The following TRAP1 variants were observed in gnomAD, a reference collection of about 807,000 sequenced individuals.
The protein encoded by TRAP1 is heat shock protein 75 kDa, mitochondrial.
A neutral mutation model predicts 89.1 loss-of-function variants in TRAP1; 102 were observed. The ratio of observed to expected loss-of-function variants is 1.15; its 90% CI spans 0.98 to 1.35. The LOEUF (loss-of-function observed/expected upper bound fraction) is 1.35. Ranked by LOEUF, TRAP1 falls within the 40% of genes most tolerant of loss-of-function variation. The pLI is 0.00. For synonymous variants in TRAP1, 508 were observed against 388.0 expected (o/e 1.31, Z -3.64); for missense variants, 1,256 against 945.3 (o/e 1.33, Z -4.31).
In TRAP1 at chr16:3,663,668, T is replaced by G; in HGVS notation, c.1570-106A>C. On this transcript the variant is annotated intron_variant, in intron 13 of 17. Transcript: ENST00000246957. ...GCTGGGGGAGCCAAGCGGGCCACAC[T>G]GGGGAACACCGGGGCAGTTGGGGTT... The G allele has an allele frequency of 3.4e-6, 5 of 1,456,876 alleles. No homozygotes were observed. The South Asian group carries it at 6.3e-5, about 18-fold the overall frequency. 90.2% of individuals were successfully genotyped at this position (1,456,876 alleles called of 1,614,324 possible).
At chr16:3,717,016 G>A (rs1180515100) in intron 1 of TRAP1, among the ~76,000 whole-genome samples, 1 of 152,230 alleles carries the variant, frequency 6.6e-6, no homozygotes, top group Non-Finnish European at 1.5e-5. Context: ...ACGATCCATG[G>A]AACTAGCACG....
rs1461150566 is a variant in TRAP1, at chr16:3,710,877, A to ATTTTTTTTTT, written c.88+6543_88+6544insAAAAAAAAAA. 2.5e-3 allele frequency among the ~76,000 whole-genome samples: 231 copies of ATTTTTTTTTT among 93,562 alleles called. 1 individual carries two copies. The highest frequency in any genetic ancestry group is 9.5e-3 in the African/African-American group (210 of 22,198). The allele number at this position is 93,562 out of a possible 152,430, so 61.4% of individuals were successfully genotyped here. A position where few individuals can be genotyped will look rare whatever the true frequency, so the allele number is the denominator to read the frequency against. On this transcript the variant is annotated intron_variant, in intron 1 of 17. Coordinates refer to ENST00000246957, the MANE Select transcript of TRAP1 (RefSeq NM_016292.3). Reference sequence around the variant, plus strand: ...TGTGTGTATATATATATATATATATATATTTTTTTTTTTGAGACACTGTCA... The same window carrying ATTTTTTTTTT: ...TGTGTGTATATATATATATATATATATTTTTTTTTTTATTTTTTTTTTTGAGACACTGTCA...
In TRAP1 at chr16:3,679,204, T is replaced by C. The variant is rs965131605; in HGVS notation, c.543+515A>G. ...TACTTGGGAGGCTGAGGCAGGAGAG[T>C]TGCTTGAACCGGGAGGCAGAGGTTG... On this transcript the variant is annotated intron_variant, in intron 5 of 17. Coordinates refer to ENST00000246957, the MANE Select transcript of TRAP1 (RefSeq NM_016292.3). 1.1e-4 allele frequency among the ~76,000 whole-genome samples: 17 copies of C among 151,874 alleles called. No homozygotes were observed. The South Asian group carries it at 3.5e-3, about 32-fold the overall frequency.
intron 5 of TRAP1, 114 bp downstream of exon 5, chr16:3,679,605 G>A (rs1433365240): frequency 1.4e-5 from 14 of 1,026,784 alleles, no homozygotes; most frequent in East Asian, 9.6e-5. Flanking sequence ...TACCCACTGC[G>A]TGGCATGCAA....
In TRAP1 at chr16:3,658,833, C is replaced by G. The variant is rs150558344; in HGVS notation, c.1973G>C (p.Arg658Pro). ...HALIKKLNQL[R>P]ASEPGLAQLL... The stretch of plus-strand genomic sequence containing the variant: ...CTGAGCCAGGCCAGGCTCGCTTGCG[C>G]GCAGCTGATTCAGCTTCTTGATGAG... The change falls in exon 17 of 18, where the codon CGC (arginine) becomes CCC (proline). Residue 658 changes from arginine (R) to proline (P), a missense_variant. By Grantham distance (103) the Arg-to-Pro change is moderately radical. Transcript: ENST00000246957. The G allele has an allele frequency of 1.2e-6, 2 of 1,613,874 alleles. No individual in the cohort carries two copies. The highest frequency in any genetic ancestry group is 1.7e-5 in the Admixed American group (1 of 60,004).
chr16:3,667,706 G>A (rs2050854965), intron 11 of TRAP1, among the ~76,000 whole-genome samples: 1 of 150,726 alleles, frequency 6.6e-6, no homozygotes, highest in Admixed American at 6.6e-5. Context: ...GAATAAAACA[G>A]GAAATCAGCC....
chr16:3,671,910 G>A (rs973488455), intron 10 of TRAP1, 119 bp from the exon 11 acceptor site: 2 of 1,053,224 alleles, frequency 1.9e-6, no homozygotes, highest in African/African-American at 3.1e-5. Flanking sequence ...TGTGCTAAGA[G>A]GGAAGCAGGG....
chr16:3,717,522 A>G lies in TRAP1; in HGVS notation c.-14T>C, dbSNP rs922184950. The G allele has an allele frequency of 6.6e-6, 9 of 1,354,434 alleles. No individual in the cohort carries two copies. The Admixed American group carries it at 1.7e-4, about 25-fold the overall frequency. 83.9% of individuals were successfully genotyped at this position (1,354,434 alleles called of 1,614,324 possible). ...CTCGCGCGCCATGTCGTACTCCCAG[A>G]GCGCCGCGCGCAGCCACGCGGGACC... On this transcript the variant is annotated 5_prime_UTR_variant, in exon 1 of 18. Coordinates refer to ENST00000246957, the MANE Select transcript of TRAP1 (RefSeq NM_016292.3).
intron 1 of TRAP1, among the ~76,000 whole-genome samples, chr16:3,714,557 G>A (rs566518834): frequency 6.6e-6 from 1 of 152,320 alleles, no homozygotes; most frequent in South Asian, 2.1e-4. Context: ...TACGTGGGAG[G>A]CGAAGTCAGG....
rs1040713429 is a variant in TRAP1, at chr16:3,671,851, C to A, written c.1166-60G>T. The A allele has an allele frequency of 3.2e-6, 5 of 1,539,990 alleles. No homozygotes were observed. In the African/African-American group the frequency reaches 6.8e-5, roughly 21 times the overall value. On this transcript the variant is annotated intron_variant, in intron 10 of 17. Coordinates refer to ENST00000246957, the MANE Select transcript of TRAP1 (RefSeq NM_016292.3). ...GCGGCCCTCCACACCACCCAACATT[C>A]CCCATTAACCTGCCCTTTGTCTTCA...
chr16:3,697,017 C>T (rs573468366), intron 1 of TRAP1, among the ~76,000 whole-genome samples: 2 of 152,292 alleles, frequency 1.3e-5, no homozygotes, highest in East Asian at 1.9e-4. Flanking sequence ...TAAGACACCA[C>T]GCCCAGCCTA....
At chr16:3,699,650 A>C (rs1458793600) in intron 1 of TRAP1, among the ~76,000 whole-genome samples, 3 of 151,520 alleles carry the variant, frequency 2.0e-5, no homozygotes, top group Non-Finnish European at 4.4e-5. Context: ...AAAAAAAAAA[A>C]AGATTTATTC....
At chr16:3,667,539 C>T (rs2050852556) in intron 11 of TRAP1, among the ~76,000 whole-genome samples, 2 of 151,300 alleles carry the variant, frequency 1.3e-5, no homozygotes, top group Admixed American at 6.6e-5. Context: ...GCAGGAGAAT[C>T]GCTTGAATCC....
intron 4 of TRAP1, among the ~76,000 whole-genome samples, chr16:3,683,350 G>A (rs1048687720): frequency 6.6e-5 from 10 of 151,840 alleles, no homozygotes; most frequent in Admixed American, 1.3e-4. Flanking sequence ...TATCCATACC[G>A]GTTGATTAAC....
intron 7 of TRAP1, 48 bp from the exon 8 acceptor site, chr16:3,675,445 A>G (rs780032275): frequency 6.3e-7 from 1 of 1,579,468 alleles, no homozygotes; most frequent in Non-Finnish European, 8.7e-7. Context: ...ATGCTTGTGG[A>G]AACGCAAGCT....
At chr16:3,668,608 G>A (rs1353206470) in intron 11 of TRAP1, among the ~76,000 whole-genome samples, 1 of 152,060 alleles carries the variant, frequency 6.6e-6, no homozygotes, top group Non-Finnish European at 1.5e-5. Context: ...TCTAATTTCG[G>A]CTGACTCTTT....
At chr16:3,716,558 G>C (rs963220141) in intron 1 of TRAP1, among the ~76,000 whole-genome samples, 1 of 152,254 alleles carries the variant, frequency 6.6e-6, no homozygotes, top group African/African-American at 2.4e-5. Flanking sequence ...AAAAGATGTG[G>C]AAAGAATGCT....
chr16:3,703,620 A>G (rs2051399069), intron 1 of TRAP1, among the ~76,000 whole-genome samples: 1 of 152,008 alleles, frequency 6.6e-6, no homozygotes, highest in African/African-American at 2.4e-5. Context: ...GAGGCATGTC[A>G]GTGGGAGACG....
chr16:3,672,127 G>A (rs1337303919), intron 10 of TRAP1, among the ~76,000 whole-genome samples: 1 of 152,196 alleles, frequency 6.6e-6, no homozygotes, highest in African/African-American at 2.4e-5. Context: ...CATGAGGTCA[G>A]GAGTTCGAGA....
Sources: allele counts gnomAD v4.1 joint callset (sites outside exome capture counted in the v4.1 genomes callset), GRCh38; gene constraint gnomAD v4.1.1; transcripts MANE v1.5; gene names NCBI Gene and HGNC (gene_info 2026-07-23, HGNC 2026-07-21).